Variants in XKR6 observed in about 807,000 individuals in gnomAD.
The protein encoded by XKR6 is XK related 6.
A neutral mutation model predicts 56.7 loss-of-function variants in XKR6; 22 were observed. The observed-to-expected ratio is 0.39, with a 90% CI of 0.28 to 0.55. XKR6 has a LOEUF of 0.55. Among genes scored for constraint, XKR6 ranks in the 20% least tolerant of loss-of-function variants. The pLI, the probability that XKR6 is intolerant of heterozygous loss-of-function variation, is 0.66. For missense variants in XKR6, 852 were observed against 889.0 expected, an observed-to-expected ratio of 0.96 and a Z score of 0.53; for synonymous variants, 524 against 387.8, an observed-to-expected ratio of 1.35 and a Z score of -4.13.
intron 1 of XKR6, among the ~76,000 whole-genome samples, chr8:11,126,597 T>C (rs1211247103): frequency 1.3e-5 from 2 of 152,174 alleles, no homozygotes; most frequent in Non-Finnish European, 2.9e-5. Context: ...AAACACCTTA[T>C]ATCTCACAAG....
chr8:11,105,695 A>C (rs934167037), intron 1 of XKR6: 2 of 152,138 alleles, frequency 1.3e-5, no homozygotes, highest in African/African-American at 4.8e-5. Flanking sequence ...TCACAGTACA[A>C]AGCTCTTTTA....
chr8:11,077,582 C>A (rs913157034), intron 1 of XKR6, among the ~76,000 whole-genome samples: 1 of 152,190 alleles, frequency 6.6e-6, no homozygotes, highest in East Asian at 1.9e-4. Flanking sequence ...TCCTGTAAAT[C>A]TCCAGGAGGA....
chr8:10,925,155 T>A (rs1028061940), intron 1 of XKR6, among the ~76,000 whole-genome samples: 13 of 152,190 alleles, frequency 8.5e-5, no homozygotes, highest in Admixed American at 4.6e-4. Flanking sequence ...CAGGTAGGCA[T>A]CTCAGGTGAG....
intron 1 of XKR6, among the ~76,000 whole-genome samples, chr8:10,955,932 T>G (rs532796116): frequency 6.6e-6 from 1 of 152,228 alleles, no homozygotes. Context: ...GATTCCTTGT[T>G]GCCCTGGGCT....
At chr8:11,058,018 T>C (rs1047834508) in intron 1 of XKR6, among the ~76,000 whole-genome samples, 21 of 152,250 alleles carry the variant, frequency 1.4e-4, no homozygotes, top group Non-Finnish European at 4.4e-5. Context: ...CCTTTAACTC[T>C]AAATGACCAC....
At chr8:10,912,097 T>C (rs1800394997) in intron 2 of XKR6, among the ~76,000 whole-genome samples, 1 of 149,488 alleles carries the variant, frequency 6.7e-6, no homozygotes, top group South Asian at 2.1e-4. Flanking sequence ...TATATATATC[T>C]GTGTGTGTGT....
chr8:10,968,521 C>T (rs564914080), intron 1 of XKR6, among the ~76,000 whole-genome samples: 1 of 152,304 alleles, frequency 6.6e-6, no homozygotes, highest in South Asian at 2.1e-4. Context: ...TTCTGGATTG[C>T]AGTGACCCTC....
intron 1 of XKR6, chr8:11,123,440 T>C (rs1172964323): frequency 6.2e-6 from 1 of 160,080 alleles, no homozygotes; most frequent in African/African-American, 2.4e-5. Context: ...TTCTACTTCA[T>C]ATTGGACAGG....
chr8:11,085,929 T>C (rs930737646), intron 1 of XKR6, among the ~76,000 whole-genome samples: 1 of 152,122 alleles, frequency 6.6e-6, no homozygotes, highest in Admixed American at 6.5e-5. Context: ...CCCAGGAATC[T>C]GCATTTCCAC....
rs1281767615 is a variant in XKR6 at position 11,183,605 on chromosome 8, G to A, written c.764+16971C>T. 2.0e-5 allele frequency among the ~76,000 whole-genome samples: 3 copies of A among 152,030 alleles called. No homozygotes were observed. In the East Asian group the frequency reaches 5.8e-4, roughly 29 times the overall value. On this transcript the variant is annotated intron_variant, in intron 1 of 2. Coordinates refer to ENST00000416569, the MANE Select transcript of XKR6 (RefSeq NM_173683.4). ...CCCAAAGTGCTGGGATTACAGGTATGAGCCAGCACACCTGGCTTATTTTCT... is the reference window on the plus strand; with the variant it reads ...CCCAAAGTGCTGGGATTACAGGTATAAGCCAGCACACCTGGCTTATTTTCT...
At chr8:10,974,463 C>T (rs1802495323) in intron 1 of XKR6, among the ~76,000 whole-genome samples, 1 of 152,212 alleles carries the variant, frequency 6.6e-6, no homozygotes, top group Admixed American at 6.5e-5. Flanking sequence ...AGGCTACCAT[C>T]TCCCTGACCA....
At chr8:11,055,672 G>T (rs1438686182) in intron 1 of XKR6, among the ~76,000 whole-genome samples, 8 of 152,224 alleles carry the variant, frequency 5.3e-5, no homozygotes, top group Non-Finnish European at 8.8e-5. Flanking sequence ...TGCATGGACG[G>T]GGGCCTCCTG....
chr8:11,022,795 C>A (rs950472920), intron 1 of XKR6, among the ~76,000 whole-genome samples: 5 of 152,186 alleles, frequency 3.3e-5, no homozygotes, highest in East Asian at 1.9e-4. Flanking sequence ...ACCATTCAGA[C>A]TACAAAAGCA....
In XKR6 at chr8:11,201,703, G is replaced by T. The variant is rs1804255894; in HGVS notation, c.-364C>A. On this transcript the variant is annotated 5_prime_UTR_variant, in exon 1 of 3. Coordinates refer to ENST00000416569, the MANE Select transcript of XKR6 (RefSeq NM_173683.4). ...AAACCCATCAGGTTGACCCCTCGGC[G>T]TTTCAGAATCCGGCTGGCCCGAGTG... Among the ~76,000 whole-genome samples the T allele has an allele frequency of 6.6e-6, 1 of 152,200 alleles. No individual in the cohort carries two copies.
chr8:11,015,874 G>C (rs757469888), intron 1 of XKR6, among the ~76,000 whole-genome samples: 1 of 152,176 alleles, frequency 6.6e-6, no homozygotes, highest in African/African-American at 2.4e-5. Context: ...TGCTGTGCCC[G>C]AGGCGCCCCA....
Position 11,198,798 on chromosome 8 carries a change from T to C in XKR6, c.764+1778A>G, listed in dbSNP as rs138883640. On this transcript the variant is annotated intron_variant, in intron 1 of 2. Coordinates refer to ENST00000416569, the MANE Select transcript of XKR6 (RefSeq NM_173683.4). ...CACTTCGGCTTGTTCAGCAGAAGCC[T>C]ACCAGTACATGCTGCTGAATTCTAC... Among the ~76,000 whole-genome samples, 626 of 152,242 alleles carry C rather than the reference T, an allele frequency of 4.1e-3. 6 individuals are homozygous for C. Among genetic ancestry groups the C allele is most frequent in the African/African-American group, 0.014 (591 of 41,546 alleles).
intron 1 of XKR6, among the ~76,000 whole-genome samples, chr8:11,107,402 T>C (rs901481274): frequency 6.6e-6 from 1 of 152,030 alleles, no homozygotes; most frequent in South Asian, 2.1e-4. Context: ...GGTCCTGCTA[T>C]GTTAACTCCT....
At chr8:10,962,842 C>T (rs549371439) in intron 1 of XKR6, among the ~76,000 whole-genome samples, 4 of 152,090 alleles carry the variant, frequency 2.6e-5, no homozygotes, top group Non-Finnish European at 5.9e-5. Flanking sequence ...AGGCTGGTCT[C>T]GAACTCCTGA....
chr8:10,969,519 A>G (rs144304001), intron 1 of XKR6, among the ~76,000 whole-genome samples: 5 of 152,234 alleles, frequency 3.3e-5, no homozygotes, highest in Admixed American at 6.5e-5. Context: ...TACGTGTCCT[A>G]TGCAGGCATC....
Sources: allele counts gnomAD v4.1 joint callset (sites outside exome capture counted in the v4.1 genomes callset), GRCh38; gene constraint gnomAD v4.1.1; transcripts MANE v1.5; gene names NCBI Gene and HGNC (gene_info 2026-07-23, HGNC 2026-07-21).